The following NCOA3 variants were observed in gnomAD, a reference collection of about 807,000 sequenced individuals.
NCOA3 encodes the protein CBP-interacting protein.
In NCOA3, 51 loss-of-function variants were observed where a neutral mutation model predicts 158.8. The observed-to-expected ratio is 0.32, with a 90% CI of 0.26 to 0.41. The LOEUF (loss-of-function observed/expected upper bound fraction) is 0.41. Among genes scored for constraint, NCOA3 ranks in the 10% least tolerant of loss-of-function variants. NCOA3 has a pLI of 1.00. For synonymous variants in NCOA3, 537 were observed against 592.4 expected (o/e 0.91, Z 1.36); for missense variants, 1,510 against 1,746.6 (o/e 0.86, Z 2.41).
chr20:47,560,450 T>G (rs2085080214), intron 1 of NCOA3, among the ~76,000 whole-genome samples: 1 of 152,068 alleles, frequency 6.6e-6, no homozygotes, highest in Non-Finnish European at 1.5e-5. Context: ...TTAAGTTAGG[T>G]TTTAGCTTTG....
At chr20:47,550,010 T>C (rs972666604) in intron 1 of NCOA3, among the ~76,000 whole-genome samples, 2 of 152,198 alleles carry the variant, frequency 1.3e-5, no homozygotes, top group Admixed American at 6.6e-5. Flanking sequence ...GGCTGTTCTT[T>C]TAACTTTTTA....
intron 2 of NCOA3, among the ~76,000 whole-genome samples, chr20:47,612,351 G>A (rs1209368238): frequency 6.6e-6 from 1 of 152,174 alleles, no homozygotes; most frequent in African/African-American, 2.4e-5. Context: ...CAGAAATAGT[G>A]TAATATGTAA....
chr20:47,522,513 C>G (rs1283390995), intron 1 of NCOA3, among the ~76,000 whole-genome samples: 5 of 151,206 alleles, frequency 3.3e-5, no homozygotes, highest in Non-Finnish European at 4.4e-5. Flanking sequence ...AGGGGGGCTC[C>G]AAAACCAAAA....
At chr20:47,541,287 A>G (rs2084723645) in intron 1 of NCOA3, among the ~76,000 whole-genome samples, 1 of 146,690 alleles carries the variant, frequency 6.8e-6, no homozygotes, top group South Asian at 2.2e-4. Flanking sequence ...AACAAGCATT[A>G]ATCCCCTTTA....
chr20:47,637,617 TA>T (rs1203971714), intron 12 of NCOA3, 30 bp from the exon 13 acceptor site: 1 of 1,571,064 alleles, frequency 6.4e-7, no homozygotes. Context: ...TGGTAATGTA[TA>T]CAGGTTAATT....
chr20:47,633,905 A>T, intron 9 of NCOA3, 143 bp from the exon 10 acceptor site: 1 of 1,096,352 alleles, frequency 9.1e-7, no homozygotes, highest in Non-Finnish European at 1.3e-6. Context: ...TTCTTATTTT[A>T]CCCTGTTGAT....
At chr20:47,642,464 G>GA in intron 17 of NCOA3, 80 bp downstream of exon 17, 1 of 971,628 alleles carries the variant, frequency 1.0e-6, no homozygotes, top group Middle Eastern at 3.1e-4. Context: ...CCACATACAA[G>GA]AATGCCTGTG....
At chr20:47,508,252 A>G (rs895122753) in intron 1 of NCOA3, among the ~76,000 whole-genome samples, 2 of 152,234 alleles carry the variant, frequency 1.3e-5, no homozygotes, top group Non-Finnish European at 2.9e-5. Context: ...TCCCACCTTC[A>G]TATCTAAGGC....
chr20:47,513,445 GC>G (rs2084179562), intron 1 of NCOA3, among the ~76,000 whole-genome samples: 1 of 152,000 alleles, frequency 6.6e-6, no homozygotes, highest in Admixed American at 6.6e-5. Flanking sequence ...GCAACTATTA[GC>G]CGGGCGAGGC....
intron 1 of NCOA3, among the ~76,000 whole-genome samples, chr20:47,572,952 CAG>C (rs1402918171): frequency 6.6e-6 from 1 of 152,114 alleles, no homozygotes; most frequent in African/African-American, 2.4e-5. Flanking sequence ...TGCTGTGTCT[CAG>C]GGAATAAGGA....
chr20:47,592,012 C>T (rs1170877440), intron 2 of NCOA3, among the ~76,000 whole-genome samples: 1 of 152,130 alleles, frequency 6.6e-6, no homozygotes, highest in Non-Finnish European at 1.5e-5. Context: ...TCTCCTTCCT[C>T]TGGGACTCCA....
intron 5 of NCOA3, 23 bp from the exon 6 acceptor site, chr20:47,626,979 T>C (rs1488938124): frequency 1.2e-5 from 19 of 1,591,452 alleles, no homozygotes; most frequent in African/African-American, 6.7e-5. Context: ...CATAACAGCC[T>C]GTATTAACAT....
intron 2 of NCOA3, among the ~76,000 whole-genome samples, chr20:47,604,720 G>T (rs2085916411): frequency 6.6e-6 from 1 of 152,152 alleles, no homozygotes; most frequent in South Asian, 2.1e-4. Context: ...ATGTAGGCTT[G>T]AGCCACTGTG....
chr20:47,620,238 T>C (rs1461838885), intron 2 of NCOA3, among the ~76,000 whole-genome samples: 1 of 152,150 alleles, frequency 6.6e-6, no homozygotes. Context: ...TATTCCTAAG[T>C]AGTTAATGCT....
chr20:47,560,225 G>A (rs1056972799), intron 1 of NCOA3, among the ~76,000 whole-genome samples: 7 of 152,122 alleles, frequency 4.6e-5, no homozygotes, highest in African/African-American at 1.7e-4. Context: ...GATTATAGGT[G>A]TGCGCTATCA....
chr20:47,502,504 G>C (rs912169310), intron 1 of NCOA3, among the ~76,000 whole-genome samples: 6 of 152,054 alleles, frequency 3.9e-5, no homozygotes, highest in Non-Finnish European at 7.4e-5. Context: ...GGTGAGATTT[G>C]GTTGCTGTGT....
Position 47,525,576 on chromosome 20 carries a change from C to G in NCOA3, c.-99+23557C>G, listed in dbSNP as rs1471268246. ...CCGGACGGGGGGCTGACCCCCCCCA[C>G]CTCCCTCCTGGACGGGGCGGCTGGC... On this transcript the variant is annotated intron_variant, in intron 1 of 22. Transcript: ENST00000371998. Among the ~76,000 whole-genome samples, 13 of 141,616 alleles carry G rather than the reference C, an allele frequency of 9.2e-5. 1 individual carries two copies. The highest frequency in any genetic ancestry group is 1.9e-4 in the Non-Finnish European group (12 of 64,392). The allele number at this position is 141,616 out of a possible 152,430, so 92.9% of individuals were successfully genotyped here.
intron 1 of NCOA3, among the ~76,000 whole-genome samples, chr20:47,519,908 T>C (rs1288382151): frequency 6.6e-6 from 1 of 151,848 alleles, no homozygotes; most frequent in African/African-American, 2.4e-5. Context: ...ACTATATAGA[T>C]GCCCACCACC....
intron 9 of NCOA3, 59 bp downstream of exon 9, chr20:47,633,695 C>T: frequency 1.3e-6 from 2 of 1,549,824 alleles, no homozygotes; most frequent in South Asian, 1.2e-5. Flanking sequence ...CAGGGCCTTG[C>T]TATCTTGCCC....
Sources: gnomAD v4.1 joint callset for allele counts (sites outside exome capture counted in the v4.1 genomes callset) on GRCh38, gnomAD v4.1.1 for gene constraint, MANE v1.5 for transcripts, NCBI Gene and HGNC (gene_info 2026-07-23, HGNC 2026-07-21) for gene names.